The following ZYG11A variants were observed in gnomAD, a reference collection of about 807,000 sequenced individuals.
ZYG11A encodes protein zyg-11 homolog A.
In ZYG11A, 62 loss-of-function variants were observed where a neutral mutation model predicts 77.2. That is an observed-to-expected ratio of 0.80 (90% confidence interval 0.65 to 0.99). The LOEUF (loss-of-function observed/expected upper bound fraction) is 0.99. Ranked by LOEUF, ZYG11A falls within the 50% of genes least tolerant of loss-of-function variation. The pLI is 0.00. For synonymous variants in ZYG11A, 315 were observed against 324.6 expected (o/e 0.97, Z 0.32); for missense variants, 828 against 896.8 (o/e 0.92, Z 0.98).
At chr1:52,875,362 G>A (rs1212331440) in intron 8 of ZYG11A, among the ~76,000 whole-genome samples, 1 of 152,098 alleles carries the variant, frequency 6.6e-6, no homozygotes, top group African/African-American at 2.4e-5. Flanking sequence ...GCAGAGGTGG[G>A]GTCAGTCTTT....
intron 2 of ZYG11A, among the ~76,000 whole-genome samples, chr1:52,855,528 A>G (rs1247382669): frequency 6.6e-6 from 1 of 152,182 alleles, no homozygotes; most frequent in Non-Finnish European, 1.5e-5. Context: ...CCATCACCTC[A>G]GAAAGAAACC....
At chr1:52,861,042 G>A (rs1026448089) in intron 4 of ZYG11A, among the ~76,000 whole-genome samples, 171 bp downstream of exon 4, 1 of 152,140 alleles carries the variant, frequency 6.6e-6, no homozygotes, top group African/African-American at 2.4e-5. Context: ...TTTGCTTTGA[G>A]CATCTGGATT....
At chr1:52,891,724 A>G (rs1646546677) in intron 13 of ZYG11A, among the ~76,000 whole-genome samples, 1 of 151,832 alleles carries the variant, frequency 6.6e-6, no homozygotes, top group Non-Finnish European at 1.5e-5. Flanking sequence ...CAACTCTGCA[A>G]GCTGAAATTG....
chr1:52,882,490 G>T (rs1430675176), intron 11 of ZYG11A, among the ~76,000 whole-genome samples: 1 of 152,068 alleles, frequency 6.6e-6, no homozygotes, highest in African/African-American at 2.4e-5. Flanking sequence ...GTTGGATTCC[G>T]TGTTTCCTGG....
chr1:52,891,565 C>A (rs1355336712), intron 13 of ZYG11A, among the ~76,000 whole-genome samples: 1 of 151,832 alleles, frequency 6.6e-6, no homozygotes, highest in Non-Finnish European at 1.5e-5. Context: ...AACCTTATTA[C>A]CCACTTGGGA....
chr1:52,862,797 G>A (rs968471102), intron 4 of ZYG11A, among the ~76,000 whole-genome samples: 1 of 152,020 alleles, frequency 6.6e-6, no homozygotes, highest in Non-Finnish European at 1.5e-5. Flanking sequence ...GTTGTTCTTT[G>A]AGACAGGGTC....
chr1:52,880,560 G>A (rs772504092), intron 10 of ZYG11A, among the ~76,000 whole-genome samples: 1 of 152,112 alleles, frequency 6.6e-6, no homozygotes, highest in Non-Finnish European at 1.5e-5. Flanking sequence ...CCATGATTAT[G>A]TTACTATATA....
intron 6 of ZYG11A, among the ~76,000 whole-genome samples, chr1:52,866,923 A>C (rs1646037769): frequency 1.3e-5 from 2 of 152,208 alleles, no homozygotes; most frequent in South Asian, 4.1e-4. Flanking sequence ...GCTATTATAA[A>C]GAATATTAGT....
At chr1:52,861,696 C>CAA (rs11425088) in intron 4 of ZYG11A, among the ~76,000 whole-genome samples, 13 of 150,602 alleles carry the variant, frequency 8.6e-5, no homozygotes, top group South Asian at 2.1e-4. Context: ...GAGCGAGACT[C>CAA]AAAAAAAAAT....
Position 52,886,699 on chromosome 1 carries a change from ATTTTTTTTTTTTT to A in ZYG11A, c.2007-241_2007-229del, listed in dbSNP as rs386366962. ...AGGCGTGTGCCACCAGGCCCAGCTA[ATTTTTTTTTTTTT>A]TTTTTTTTTTTTTTTGTAGAGACGG... is the stretch of plus-strand genomic sequence containing the variant. On this transcript the variant is annotated intron_variant, in intron 12 of 13. Coordinates refer to ENST00000371528, the MANE Select transcript of ZYG11A (RefSeq NM_001004339.3). 6.6e-3 allele frequency among the ~76,000 whole-genome samples: 458 copies of A among 69,140 alleles called. 6 individuals are homozygous for A. The highest frequency in any genetic ancestry group is 0.028 in the African/African-American group (439 of 15,546). 45.4% of individuals were successfully genotyped at this position (69,140 alleles called of 152,430 possible). A position where few individuals can be genotyped will look rare whatever the true frequency, so the allele number is the denominator to read the frequency against.
chr1:52,865,530 G>A (rs1480648432), intron 5 of ZYG11A, among the ~76,000 whole-genome samples: 1 of 152,032 alleles, frequency 6.6e-6, no homozygotes, highest in Non-Finnish European at 1.5e-5. Flanking sequence ...AATATTCATG[G>A]TACCTTTATT....
chr1:52,871,435 ATATC>A (rs1646163415), intron 8 of ZYG11A, among the ~76,000 whole-genome samples: 1 of 149,746 alleles, frequency 6.7e-6, no homozygotes, highest in Non-Finnish European at 1.5e-5. Flanking sequence ...TCCCGTGTAT[ATATC>A]TATTTTTGGA....
At chr1:52,864,210 C>T in intron 5 of ZYG11A, 53 bp downstream of exon 5, 1 of 1,510,000 alleles carries the variant, frequency 6.6e-7, no homozygotes, top group Non-Finnish European at 9.0e-7. Flanking sequence ...TTAATAGTCT[C>T]AGCTCTGTTG....
intron 8 of ZYG11A, among the ~76,000 whole-genome samples, chr1:52,875,411 G>A (rs904875629): frequency 2.0e-4 from 30 of 152,180 alleles, no homozygotes; most frequent in African/African-American, 7.2e-4. Context: ...TTGTGCCCAC[G>A]AGAAGAGTTC....
rs1646572148 is a variant in ZYG11A, at chr1:52,893,007, G to T, written c.*50G>T. 6.7e-7 allele frequency: 1 copy of T among 1,489,800 alleles called. No individual in the cohort carries two copies. 92.3% of individuals were successfully genotyped at this position (1,489,800 alleles called of 1,614,324 possible). ...GCTCTTCCTCAATGTCAGGTGTTCT[G>T]CCCTGGCAGTAATTGCACATCAGTT... On this transcript the variant is annotated 3_prime_UTR_variant, in exon 14 of 14. Coordinates refer to ENST00000371528, the MANE Select transcript of ZYG11A (RefSeq NM_001004339.3).
chr1:52,872,924 A>G (rs1646196353), intron 8 of ZYG11A, among the ~76,000 whole-genome samples: 1 of 151,702 alleles, frequency 6.6e-6, no homozygotes, highest in South Asian at 2.1e-4. Flanking sequence ...GAAAGAAAAA[A>G]GAAATATTTT....
At chr1:52,886,194 A>C (rs1279832712) in intron 12 of ZYG11A, among the ~76,000 whole-genome samples, 1 of 152,132 alleles carries the variant, frequency 6.6e-6, no homozygotes, top group Non-Finnish European at 1.5e-5. Flanking sequence ...GGCCTCCTAA[A>C]GTGCTGGGAT....
At position 52,893,089 on chromosome 1, in the gene ZYG11A, A is replaced by G; in HGVS notation, c.*132A>G. On this transcript the variant is annotated 3_prime_UTR_variant, in exon 14 of 14. Transcript: ENST00000371528. ...TGGCCTTTGATTGTTGATTTTATATATGTTACAAAAGGTTGGATTTGTATG... is the reference window on the plus strand; with the variant it reads ...TGGCCTTTGATTGTTGATTTTATATGTGTTACAAAAGGTTGGATTTGTATG... The G allele has an allele frequency of 5.0e-6, 4 of 805,906 alleles. No homozygotes were observed. The South Asian group carries it at 7.5e-5, about 15-fold the overall frequency. The allele number at this position is 805,906 out of a possible 1,614,324, so 49.9% of individuals were successfully genotyped here. A position where few individuals can be genotyped will look rare whatever the true frequency, so the allele number is the denominator to read the frequency against.
At chr1:52,856,237 A>G (rs1049420643) in intron 2 of ZYG11A, among the ~76,000 whole-genome samples, 2 of 152,152 alleles carry the variant, frequency 1.3e-5, no homozygotes, top group East Asian at 3.8e-4. Flanking sequence ...ATGCCTCCCT[A>G]TACTGAATTC....
Sources: gnomAD v4.1 joint callset for allele counts (sites outside exome capture counted in the v4.1 genomes callset) on GRCh38, gnomAD v4.1.1 for gene constraint, MANE v1.5 for transcripts, NCBI Gene and HGNC (gene_info 2026-07-23, HGNC 2026-07-21) for gene names.